The following KHDRBS2 variants were observed in gnomAD, a reference collection of about 807,000 sequenced individuals.
KHDRBS2 encodes the protein KH RNA binding domain containing, signal transduction associated 2, also known as KH domain-containing, RNA-binding, signal transduction-associated protein 2.
KHDRBS2 carries 26 observed loss-of-function variants against 44.3 expected under a neutral mutation model. That is an observed-to-expected ratio of 0.59 (90% CI 0.43 to 0.81). The LOEUF is 0.81. Ranked by LOEUF, KHDRBS2 falls within the 40% of genes least tolerant of loss-of-function variation. The probability of loss-of-function intolerance (pLI) is 0.00; values close to 1 mark genes in which losing one functional copy is unlikely to be tolerated. For synonymous variants in KHDRBS2, 194 were observed against 151.1 expected, an observed-to-expected ratio of 1.28 and a Z score of -2.08; for missense variants, 476 against 433.1, an observed-to-expected ratio of 1.10 and a Z score of -0.88.
intron 6 of KHDRBS2, among the ~76,000 whole-genome samples, chr6:61,735,775 C>T (rs901871476): frequency 1.3e-5 from 2 of 151,734 alleles, no homozygotes; most frequent in Non-Finnish European, 2.9e-5. Context: ...TTGTCTCATA[C>T]TTAATTGGTT....
chr6:61,835,292 T>C (rs1792468548), intron 6 of KHDRBS2, among the ~76,000 whole-genome samples: 1 of 152,058 alleles, frequency 6.6e-6, no homozygotes, highest in African/African-American at 2.4e-5. Context: ...CAATTCTAAA[T>C]GAAATGTTTC....
At chr6:62,103,191 C>G (rs559873681) in intron 2 of KHDRBS2, among the ~76,000 whole-genome samples, 2 of 152,160 alleles carry the variant, frequency 1.3e-5, no homozygotes, top group Non-Finnish European at 2.9e-5. Flanking sequence ...TTCCAGGCTT[C>G]CAGTCATCCC....
intron 1 of KHDRBS2, among the ~76,000 whole-genome samples, chr6:62,265,128 A>T (rs1205074323): frequency 6.6e-6 from 1 of 152,130 alleles, no homozygotes; most frequent in Non-Finnish European, 1.5e-5. Context: ...TTAAAGTTTT[A>T]CTTACAACTT....
At chr6:62,055,184 T>C (rs904389290) in intron 2 of KHDRBS2, among the ~76,000 whole-genome samples, 4 of 152,100 alleles carry the variant, frequency 2.6e-5, no homozygotes, top group South Asian at 2.1e-4. Flanking sequence ...AATCTGAAGA[T>C]GGTTGACATT....
rs865801552 is a variant in KHDRBS2 at position 61,723,417 on chromosome 6, G to C, written c.893+9265C>G. ...AATTGACAGAAGTAGACTTCAGAAGGTACGTAATAACAAACTTTGCTAAGC... is the reference window on the plus strand; with the variant it reads ...AATTGACAGAAGTAGACTTCAGAAGCTACGTAATAACAAACTTTGCTAAGC... On this transcript the variant is annotated intron_variant, in intron 7 of 8. Transcript: ENST00000281156. Among the ~76,000 whole-genome samples the C allele has an allele frequency of 2.9e-4, 44 of 152,192 alleles. 1 individual carries two copies. Among genetic ancestry groups the C allele is most frequent in the East Asian group, 1.8e-3 (9 of 5,140 alleles).
At chr6:61,604,692 A>T in the KHDRBS2 span, among the ~76,000 whole-genome samples, 3 of 152,092 alleles carry the variant, frequency 2.0e-5, no homozygotes, top group Non-Finnish European at 4.4e-5. Context: ...TTCCCTACAC[A>T]TCAAGCTTGG....
chr6:61,676,684 G>A (rs569227595), downstream of KHDRBS2, among the ~76,000 whole-genome samples: 17 of 151,870 alleles, frequency 1.1e-4, no homozygotes, highest in African/African-American at 3.6e-4. Context: ...ACAGGATTGC[G>A]CCTCACACAG....
At chr6:61,880,971 TA>T (rs1800126203) in intron 6 of KHDRBS2, among the ~76,000 whole-genome samples, 1 of 151,828 alleles carries the variant, frequency 6.6e-6, no homozygotes, top group Non-Finnish European at 1.5e-5. Flanking sequence ...AACTAAAAAA[TA>T]AAAGGTAGAG....
chr6:61,726,384 A>T (rs1773567939), intron 7 of KHDRBS2, among the ~76,000 whole-genome samples: 1 of 152,194 alleles, frequency 6.6e-6, no homozygotes, highest in African/African-American at 2.4e-5. Flanking sequence ...GCCTTCTCTC[A>T]CCACTCTTAT....
intron 6 of KHDRBS2, among the ~76,000 whole-genome samples, chr6:61,774,075 C>T (rs1440619690): frequency 6.6e-6 from 1 of 152,134 alleles, no homozygotes; most frequent in Non-Finnish European, 1.5e-5. Context: ...AGTCAGGTAG[C>T]ATGATGCCTC....
intron 1 of KHDRBS2, among the ~76,000 whole-genome samples, chr6:62,194,194 T>A (rs1334581714): frequency 6.6e-6 from 1 of 152,122 alleles, no homozygotes; most frequent in African/African-American, 2.4e-5. Flanking sequence ...AGGAGTTTTA[T>A]AACTTCAGCT....
At chr6:62,114,300 C>T (rs1421256357) in intron 2 of KHDRBS2, among the ~76,000 whole-genome samples, 1 of 152,084 alleles carries the variant, frequency 6.6e-6, no homozygotes, top group Non-Finnish European at 1.5e-5. Flanking sequence ...TTGCATAAAA[C>T]ATTTATTTGT....
At chr6:61,644,564 A>C in the KHDRBS2 span, among the ~76,000 whole-genome samples, 1 of 152,182 alleles carries the variant, frequency 6.6e-6, no homozygotes, top group African/African-American at 2.4e-5. Flanking sequence ...GTGCTCTGAC[A>C]AAGGTCTAAT....
intron 6 of KHDRBS2, among the ~76,000 whole-genome samples, chr6:61,776,627 G>C (rs1271463079): frequency 6.6e-6 from 1 of 152,160 alleles, no homozygotes; most frequent in African/African-American, 2.4e-5. Flanking sequence ...TCATTAAAAA[G>C]TCAGGAAACA....
In KHDRBS2 at chr6:62,144,140, C is replaced by T. The variant is rs925694350; in HGVS notation, c.219+33045G>A. 2.6e-5 allele frequency among the ~76,000 whole-genome samples: 4 copies of T among 151,932 alleles called. No homozygotes were observed. In the East Asian group the frequency reaches 7.7e-4, roughly 29 times the overall value. ...AATTTTACCTGTGTTTCATATTTCT[C>T]TATTTACTATATATTAAATAAATTA... is the stretch of plus-strand genomic sequence containing the variant. On this transcript the variant is annotated intron_variant, in intron 2 of 8. Coordinates refer to ENST00000281156, the MANE Select transcript of KHDRBS2 (RefSeq NM_152688.4).
intron 6 of KHDRBS2, among the ~76,000 whole-genome samples, chr6:61,848,558 T>TACAC (rs1242384412): frequency 0.053 from 1,988 of 37,268 alleles, 320 homozygotes; most frequent in African/African-American, 0.22. Flanking sequence ...TATACATATA[T>TACAC]ATATGTATAT....
intron 6 of KHDRBS2, among the ~76,000 whole-genome samples, chr6:61,854,754 T>C (rs1162756988): frequency 6.6e-6 from 1 of 152,182 alleles, no homozygotes; most frequent in Non-Finnish European, 1.5e-5. Context: ...TGAGAATATT[T>C]ACAGAGGAAA....
At chr6:62,201,516 A>C (rs1826985972) in intron 1 of KHDRBS2, among the ~76,000 whole-genome samples, 1 of 152,138 alleles carries the variant, frequency 6.6e-6, no homozygotes, top group Admixed American at 6.6e-5. Context: ...CACATAGAAA[A>C]TACACGCTTC....
At chr6:61,972,501 C>A (rs1200208087) in intron 4 of KHDRBS2, among the ~76,000 whole-genome samples, 2 of 152,048 alleles carry the variant, frequency 1.3e-5, no homozygotes, top group African/African-American at 4.8e-5. Context: ...CCATTAGCTA[C>A]CACACTATTA....
Sources: allele counts gnomAD v4.1 joint callset (sites outside exome capture counted in the v4.1 genomes callset), GRCh38; gene constraint gnomAD v4.1.1; transcripts MANE v1.5; gene names NCBI Gene and HGNC (gene_info 2026-07-23, HGNC 2026-07-21).